The following FAM107B variants were observed in gnomAD, a reference collection of about 807,000 sequenced individuals.
FAM107B encodes the protein protein FAM107B.
Under a neutral mutation model 31.5 loss-of-function variants are expected in FAM107B, and 21 were observed. That is an observed-to-expected ratio of 0.67 (90% CI 0.47 to 0.96). The LOEUF is 0.96. FAM107B is among the 40% of genes least tolerant of loss of function. The pLI, the probability that FAM107B is intolerant of heterozygous loss-of-function variation, is 0.00. For missense variants in FAM107B, 452 were observed against 377.1 expected, an observed-to-expected ratio of 1.20 and a Z score of -1.64; for synonymous variants, 157 against 141.5, an observed-to-expected ratio of 1.11 and a Z score of -0.78.
chr10:14,584,070 G>A (rs1210387203), intron 2 of FAM107B, among the ~76,000 whole-genome samples: 2 of 152,178 alleles, frequency 1.3e-5, no homozygotes, highest in Non-Finnish European at 2.9e-5. Flanking sequence ...CAGATGCTGA[G>A]ACATACTGGG....
chr10:14,540,461 A>T (rs191919691), intron 2 of FAM107B, among the ~76,000 whole-genome samples: 177 of 151,970 alleles, frequency 1.2e-3, no homozygotes, highest in African/African-American at 4.1e-3. Flanking sequence ...CTTTGGTGAC[A>T]CTCTCCTGGG....
intron 2 of FAM107B, among the ~76,000 whole-genome samples, chr10:14,554,977 T>G (rs1040649293): frequency 2.6e-5 from 4 of 152,050 alleles, no homozygotes; most frequent in Non-Finnish European, 4.4e-5. Flanking sequence ...GCTCCTATGG[T>G]CTAACAAGTT....
intron 2 of FAM107B, among the ~76,000 whole-genome samples, chr10:14,657,823 T>A (rs1217420448): frequency 6.6e-6 from 1 of 151,916 alleles, no homozygotes; most frequent in Non-Finnish European, 1.5e-5. Context: ...TTTTTTTCCT[T>A]TTTTTTGAGG....
At chr10:14,533,628 C>A (rs956511220) in intron 2 of FAM107B, among the ~76,000 whole-genome samples, 2 of 152,218 alleles carry the variant, frequency 1.3e-5, no homozygotes, top group African/African-American at 4.8e-5. Flanking sequence ...GTCCCGCACT[C>A]CCACTTCCCC....
At chr10:14,527,446 A>T (rs1052319362) in intron 3 of FAM107B, among the ~76,000 whole-genome samples, 1 of 152,254 alleles carries the variant, frequency 6.6e-6, no homozygotes, top group African/African-American at 2.4e-5. Flanking sequence ...TAATCTCTGA[A>T]ATGTAACTGG....
At chr10:14,628,990 C>T (rs1221553600) in intron 2 of FAM107B, among the ~76,000 whole-genome samples, 1 of 151,304 alleles carries the variant, frequency 6.6e-6, no homozygotes, top group Non-Finnish European at 1.5e-5. Flanking sequence ...TTAAAATTTA[C>T]ATAAATGCTT....
chr10:14,707,703 T>A (rs1433282120), intron 1 of FAM107B, among the ~76,000 whole-genome samples: 7 of 152,240 alleles, frequency 4.6e-5, no homozygotes, highest in Admixed American at 4.6e-4. Flanking sequence ...CAAGTATGTA[T>A]TCTTGTTTTC....
chr10:14,749,987 T>C (rs1199363310), intron 1 of FAM107B, among the ~76,000 whole-genome samples: 1 of 152,132 alleles, frequency 6.6e-6, no homozygotes, highest in African/African-American at 2.4e-5. Context: ...GAGGCCATCT[T>C]GAAGAGCGAG....
chr10:14,535,214 G>A (rs1263441908), intron 2 of FAM107B, among the ~76,000 whole-genome samples: 1 of 152,072 alleles, frequency 6.6e-6, no homozygotes, highest in African/African-American at 2.4e-5. Context: ...AGGAAAACCA[G>A]GACCAGCTCA....
chr10:14,743,605 T>C (rs1832666757), intron 1 of FAM107B, among the ~76,000 whole-genome samples: 1 of 152,230 alleles, frequency 6.6e-6, no homozygotes, highest in South Asian at 2.1e-4. Flanking sequence ...ATTTATTAAA[T>C]AGGAAATCAT....
chr10:14,553,291 T>G (rs1412740084), intron 2 of FAM107B: 1 of 1,193,014 alleles, frequency 8.4e-7, no homozygotes, highest in Non-Finnish European at 1.1e-6. Flanking sequence ...GGAATAAAGA[T>G]GACCGAGACA....
chr10:14,629,419 A>ACATATAT (rs1219185693), intron 2 of FAM107B, among the ~76,000 whole-genome samples: 115 of 1,908 alleles, frequency 0.06, 13 homozygotes, highest in South Asian at 0.14. Flanking sequence ...AATATATATA[A>ACATATAT]TATATATAAT....
intron 1 of FAM107B, among the ~76,000 whole-genome samples, chr10:14,716,569 T>TGA (rs1424181175): frequency 6.6e-6 from 1 of 152,194 alleles, no homozygotes; most frequent in East Asian, 1.9e-4. Context: ...AGTTCCTATA[T>TGA]CTGCCTCATA....
intron 2 of FAM107B, among the ~76,000 whole-genome samples, chr10:14,638,288 T>A (rs1853551747): frequency 6.6e-6 from 1 of 152,154 alleles, no homozygotes; most frequent in African/African-American, 2.4e-5. Context: ...CTAAGGTTTT[T>A]TTTTTTTCCC....
intron 1 of FAM107B, among the ~76,000 whole-genome samples, chr10:14,716,285 G>A (rs189355503): frequency 1.3e-5 from 2 of 152,222 alleles, no homozygotes; most frequent in Non-Finnish European, 2.9e-5. Context: ...TGGCCAAGAT[G>A]TTGGCCAGGA....
At chr10:14,723,451 T>C (rs556373107) in intron 1 of FAM107B, 37 of 560,916 alleles carry the variant, frequency 6.6e-5, no homozygotes, top group African/African-American at 2.1e-4. Context: ...TCTGTACAAG[T>C]AGAGATCAGG....
At chr10:14,706,605 A>G (rs547545028) in intron 1 of FAM107B, among the ~76,000 whole-genome samples, 1 of 152,272 alleles carries the variant, frequency 6.6e-6, no homozygotes, top group East Asian at 1.9e-4. Context: ...CCTTATAAAT[A>G]TATATAGCTT....
chr10:14,604,911 T>C (rs570314137), intron 2 of FAM107B, among the ~76,000 whole-genome samples: 1 of 152,262 alleles, frequency 6.6e-6, no homozygotes, highest in Admixed American at 6.5e-5. Flanking sequence ...TCTTTCATTC[T>C]CTTTCTCTCT....
chr10:14,555,894 AAC>A (rs56270507), intron 2 of FAM107B: 185 of 148,166 alleles, frequency 1.2e-3, no homozygotes, highest in African/African-American at 2.9e-3. Flanking sequence ...AGACATCTTT[AAC>A]ACACACACAC....
Sources: gnomAD v4.1 joint callset for allele counts (sites outside exome capture counted in the v4.1 genomes callset) on GRCh38, gnomAD v4.1.1 for gene constraint, MANE v1.5 for transcripts, NCBI Gene and HGNC (gene_info 2026-07-23, HGNC 2026-07-21) for gene names.